The following RGPD2 variants were observed in gnomAD, a reference collection of about 807,000 sequenced individuals.
RGPD2 encodes RANBP2-like and GRIP domain-containing protein 2.
A neutral mutation model predicts 36.0 loss-of-function variants in RGPD2; 2 were observed. The observed-to-expected ratio is 0.06, with a 90% CI of 0.02 to 0.17. The LOEUF is 0.17. Among genes scored for constraint, RGPD2 ranks in the 10% least tolerant of loss-of-function variants. The pLI, the probability that RGPD2 is intolerant of heterozygous loss-of-function variation, is 1.00. For missense variants in RGPD2, 40 were observed against 464.3 expected (o/e 0.09, Z 8.40); for synonymous variants, 19 against 163.8 (o/e 0.12, Z 6.75).
At chr2:87,939,424 A>C in the RGPD2 span, among the ~76,000 whole-genome samples, 2 of 151,970 alleles carry the variant, frequency 1.3e-5, no homozygotes, top group Non-Finnish European at 2.9e-5. Context: ...ATTGTTTGCA[A>C]GTCTTTAACT....
chr2:87,861,180 G>T, the RGPD2 span, among the ~76,000 whole-genome samples: 1 of 145,520 alleles, frequency 6.9e-6, no homozygotes. Flanking sequence ...ATGGCTATCT[G>T]GAGCCAAAGA....
At chr2:87,922,292 CAA>C in the RGPD2 span, among the ~76,000 whole-genome samples, 277 of 84,686 alleles carry the variant, frequency 3.3e-3, no homozygotes, top group African/African-American at 8.8e-3. Context: ...GACTTCGTCT[CAA>C]AAAAAAAAAA....
the RGPD2 span, among the ~76,000 whole-genome samples, chr2:87,841,254 A>C: frequency 2.0e-5 from 3 of 151,650 alleles, no homozygotes; most frequent in Non-Finnish European, 4.4e-5. Context: ...TGGCCTTGTG[A>C]CATCCCTCCT....
chr2:87,825,352 C>A (rs907427513), intron 1 of RGPD2, among the ~76,000 whole-genome samples: 4 of 148,490 alleles, frequency 2.7e-5, no homozygotes, highest in African/African-American at 7.3e-5. Flanking sequence ...CACAACTAAT[C>A]TTCTCGGGCT....
the RGPD2 span, among the ~76,000 whole-genome samples, chr2:87,937,534 T>C: frequency 2.6e-5 from 4 of 151,882 alleles, no homozygotes; most frequent in East Asian, 1.9e-4. Flanking sequence ...TGTCACATGA[T>C]GAAAAAAGAG....
chr2:87,978,833 G>C, the RGPD2 span, among the ~76,000 whole-genome samples: 1 of 143,114 alleles, frequency 7.0e-6, no homozygotes, highest in Non-Finnish European at 1.5e-5. Context: ...TAGGAGGATG[G>C]CTTGAGCCTA....
At chr2:87,887,525 C>A in the RGPD2 span, among the ~76,000 whole-genome samples, 1 of 151,744 alleles carries the variant, frequency 6.6e-6, no homozygotes, top group Non-Finnish European at 1.5e-5. Context: ...TCATTGCAAT[C>A]AGCCACCAAA....
chr2:87,866,802 G>C, the RGPD2 span, among the ~76,000 whole-genome samples: 1 of 152,054 alleles, frequency 6.6e-6, no homozygotes, highest in Non-Finnish European at 1.5e-5. Context: ...CAGGGGCCAG[G>C]GGCCTCACGT....
chr2:87,902,016 C>G, the RGPD2 span, among the ~76,000 whole-genome samples: 1 of 151,694 alleles, frequency 6.6e-6, no homozygotes, highest in Non-Finnish European at 1.5e-5. Flanking sequence ...AGACCCCTGT[C>G]TCATTGGGTA....
chr2:87,836,385 C>T, the RGPD2 span, among the ~76,000 whole-genome samples: 3 of 151,878 alleles, frequency 2.0e-5, no homozygotes, highest in African/African-American at 4.8e-5. Context: ...AACAAAATAT[C>T]AGGCCAACAA....
chr2:87,881,127 G>A, the RGPD2 span, among the ~76,000 whole-genome samples: 2 of 152,106 alleles, frequency 1.3e-5, no homozygotes, highest in Admixed American at 1.3e-4. Context: ...ACTAGTGCAA[G>A]GGGTGGGCTC....
the RGPD2 span, among the ~76,000 whole-genome samples, chr2:87,852,840 GTTA>G: frequency 6.6e-6 from 1 of 152,270 alleles, no homozygotes; most frequent in South Asian, 2.1e-4. Context: ...CTTCCTATTT[GTTA>G]TTGTTTTATT....
chr2:87,934,546 C>T, the RGPD2 span, among the ~76,000 whole-genome samples: 4 of 150,196 alleles, frequency 2.7e-5, no homozygotes, highest in Non-Finnish European at 4.5e-5. Flanking sequence ...TTTCATTAAC[C>T]ATCTGTTTCC....
chr2:87,854,115 A>G, the RGPD2 span, among the ~76,000 whole-genome samples: 1 of 140,244 alleles, frequency 7.1e-6, no homozygotes, highest in East Asian at 2.1e-4. Context: ...TATTATTGTT[A>G]TTATTATTTT....
the RGPD2 span, among the ~76,000 whole-genome samples, chr2:87,854,651 G>T: frequency 7.9e-5 from 12 of 152,082 alleles, no homozygotes; most frequent in Non-Finnish European, 1.3e-4. Flanking sequence ...TTTCAGACTG[G>T]CTTCTTTCAC....
the RGPD2 span, among the ~76,000 whole-genome samples, chr2:87,921,398 A>G: frequency 5.9e-5 from 9 of 152,336 alleles, no homozygotes; most frequent in Middle Eastern, 3.4e-3. Context: ...TCTTCGTAGA[A>G]TATCAATGAA....
At chr2:87,930,958 T>C in the RGPD2 span, among the ~76,000 whole-genome samples, 2 of 123,058 alleles carry the variant, frequency 1.6e-5, no homozygotes, top group African/African-American at 6.2e-5. Context: ...GAACCTTCTT[T>C]TTTTTTCTTT....
At chr2:87,852,916 CT>C in the RGPD2 span, among the ~76,000 whole-genome samples, 12 of 152,212 alleles carry the variant, frequency 7.9e-5, no homozygotes, top group Admixed American at 7.2e-4. Context: ...CATTTATTGT[CT>C]GATTCCCTCA....
chr2:87,885,419 G>C, the RGPD2 span, among the ~76,000 whole-genome samples: 46 of 152,074 alleles, frequency 3.0e-4, no homozygotes, highest in South Asian at 9.1e-3. Context: ...AAAATTGAAG[G>C]CTTTTCCTTT....
Sources: gnomAD v4.1 joint callset for allele counts (sites outside exome capture counted in the v4.1 genomes callset) on GRCh38, gnomAD v4.1.1 for gene constraint, MANE v1.5 for transcripts, NCBI Gene and HGNC (gene_info 2026-07-23, HGNC 2026-07-21) for gene names.